Variants in NELL1 observed in about 807,000 individuals in gnomAD.
The protein encoded by NELL1 is neural EGFL like 1.
Under a neutral mutation model 107.4 loss-of-function variants are expected in NELL1, and 76 were observed. That is an observed-to-expected ratio of 0.71 (90% CI 0.59 to 0.86). NELL1 has a LOEUF of 0.86. Among genes scored for constraint, NELL1 ranks in the 40% least tolerant of loss-of-function variants. The pLI is 0.00. For missense variants in NELL1, 1,024 were observed against 1,005.5 expected, an observed-to-expected ratio of 1.02 and a Z score of -0.25; for synonymous variants, 353 against 341.2, an observed-to-expected ratio of 1.03 and a Z score of -0.38.
chr11:20,974,226 C>T (rs1851558782), intron 12 of NELL1, among the ~76,000 whole-genome samples: 1 of 152,106 alleles, frequency 6.6e-6, no homozygotes, highest in African/African-American at 2.4e-5. Flanking sequence ...GTGGGACACT[C>T]CGAGGTGTTT....
rs902837344 is a variant in NELL1 at position 21,196,475 on chromosome 11, A to G, written c.1427-32857A>G. Among the ~76,000 whole-genome samples, 42 of 152,160 alleles carry G rather than the reference A, an allele frequency of 2.8e-4. 1 individual carries two copies. The highest frequency in any genetic ancestry group is 1.8e-3 in the Admixed American group (28 of 15,270). ...TTTGTCTTGGCATTCCTCTGGCTAG[A>G]ATGCTAGAGGGTTGCTAGAATTATC... On this transcript the variant is annotated intron_variant, in intron 13 of 19. Coordinates refer to ENST00000357134, the MANE Select transcript of NELL1 (RefSeq NM_006157.5).
At chr11:21,108,544 C>T (rs1260160299) in intron 12 of NELL1, among the ~76,000 whole-genome samples, 1 of 151,932 alleles carries the variant, frequency 6.6e-6, no homozygotes, top group Non-Finnish European at 1.5e-5. Context: ...AATTTAAGCC[C>T]CATTATACTC....
intron 15 of NELL1, among the ~76,000 whole-genome samples, chr11:21,421,634 A>T (rs1852673162): frequency 7.2e-6 from 1 of 139,660 alleles, no homozygotes. Context: ...TCCTTCTCCC[A>T]CTAAAACAAC....
At chr11:20,824,615 C>T (rs2403635) in intron 3 of NELL1, among the ~76,000 whole-genome samples, 84,194 of 150,880 alleles carry the variant, frequency 0.56, 26,113 homozygotes, top group Non-Finnish European at 0.67. Context: ...ACAATGAAGT[C>T]GAGGCTGGGA....
In NELL1 at chr11:21,570,906, A is replaced by G. The variant is rs1857086926; in HGVS notation, c.2123A>G (p.Asn708Ser). Residue 708 changes from asparagine to serine, a missense_variant, in exon 18 of 20, where the codon AAT becomes AGT. Asn to Ser is a conservative substitution (Grantham distance 46). Transcript: ENST00000357134. ...CACAAGCTGTATCGAAGTGGAGACAATTGGACCCATAGCTGTCAGCAGTGT... is the reference window on the plus strand; with the variant it reads ...CACAAGCTGTATCGAAGTGGAGACAGTTGGACCCATAGCTGTCAGCAGTGT... Reference protein sequence around the residue: ...NGHKLYRSGDNWTHSCQQCRC... With the variant: ...NGHKLYRSGDSWTHSCQQCRC... 2 of 1,611,610 alleles carry G rather than the reference A, an allele frequency of 1.2e-6. No homozygotes were observed. Among genetic ancestry groups the G allele is most frequent in the African/African-American group, 2.7e-5 (2 of 74,700 alleles).
intron 3 of NELL1, among the ~76,000 whole-genome samples, chr11:20,823,738 A>T (rs1460717067): frequency 1.3e-5 from 2 of 151,088 alleles, no homozygotes; most frequent in African/African-American, 4.8e-5. Flanking sequence ...GGGTAGCTAT[A>T]CTGTATGCCC....
chr11:21,214,510 A>T (rs1454694353), intron 13 of NELL1, among the ~76,000 whole-genome samples: 1 of 152,176 alleles, frequency 6.6e-6, no homozygotes, highest in Non-Finnish European at 1.5e-5. Context: ...TACACCCATC[A>T]GAATAGCTAA....
intron 15 of NELL1, among the ~76,000 whole-genome samples, chr11:21,487,175 C>T (rs1196738308): frequency 6.6e-6 from 1 of 152,136 alleles, no homozygotes; most frequent in Non-Finnish European, 1.5e-5. Flanking sequence ...TATAGTCAAA[C>T]TGTCTAAAGC....
chr11:20,778,916 A>G (rs1856802779), intron 2 of NELL1, among the ~76,000 whole-genome samples: 2 of 152,066 alleles, frequency 1.3e-5, no homozygotes, highest in South Asian at 2.1e-4. Flanking sequence ...GCACCAGCCC[A>G]CCCAGTTCCT....
intron 13 of NELL1, among the ~76,000 whole-genome samples, chr11:21,199,845 G>A (rs1857229632): frequency 6.9e-6 from 1 of 144,774 alleles, no homozygotes; most frequent in Non-Finnish European, 1.5e-5. Flanking sequence ...CCTTCCCCGT[G>A]TCCATGTGTT....
intron 14 of NELL1, among the ~76,000 whole-genome samples, chr11:21,307,854 A>G (rs1849641140): frequency 6.6e-6 from 1 of 151,876 alleles, no homozygotes; most frequent in Admixed American, 6.6e-5. Flanking sequence ...TTAATTAGCA[A>G]GTAAAAAAAC....
At chr11:21,194,616 A>G (rs1400422457) in intron 13 of NELL1, among the ~76,000 whole-genome samples, 1 of 152,128 alleles carries the variant, frequency 6.6e-6, no homozygotes, top group African/African-American at 2.4e-5. Context: ...TATCAGCATC[A>G]CTTGGGAACT....
intron 5 of NELL1, among the ~76,000 whole-genome samples, chr11:20,897,400 A>T (rs1397341369): frequency 6.6e-6 from 1 of 152,228 alleles, no homozygotes; most frequent in Non-Finnish European, 1.5e-5. Context: ...TACACCTTAT[A>T]CAAAAATTAA....
Position 21,196,435 on chromosome 11 carries a change from T to C in NELL1, c.1427-32897T>C, listed in dbSNP as rs75286589. ...TTCCCAGGCCTTCTTGCTCTTCTTT[T>C]TCCCACCTTAAGCCTTTGTCTTGGC... On this transcript the variant is annotated intron_variant, in intron 13 of 19. Coordinates refer to ENST00000357134, the MANE Select transcript of NELL1 (RefSeq NM_006157.5). Among the ~76,000 whole-genome samples the C allele has an allele frequency of 9.5e-3, 1,441 of 152,258 alleles. 20 individuals are homozygous for C. The highest frequency in any genetic ancestry group is 0.033 in the African/African-American group (1,372 of 41,572).
chr11:21,167,593 A>G (rs1253664128), intron 13 of NELL1, among the ~76,000 whole-genome samples: 1 of 151,876 alleles, frequency 6.6e-6, no homozygotes, highest in Non-Finnish European at 1.5e-5. Flanking sequence ...GAGGTTGGCA[A>G]TTGACGAATA....
At chr11:20,806,372 G>A (rs1590312355) in intron 3 of NELL1, among the ~76,000 whole-genome samples, 1 of 151,908 alleles carries the variant, frequency 6.6e-6, no homozygotes, top group African/African-American at 2.4e-5. Flanking sequence ...CTGTCTCGTG[G>A]CCAGTAAGGT....
At chr11:20,976,487 T>C (rs1356047222) in intron 12 of NELL1, among the ~76,000 whole-genome samples, 1 of 152,172 alleles carries the variant, frequency 6.6e-6, no homozygotes, top group East Asian at 1.9e-4. Flanking sequence ...ATGTTTCAGC[T>C]GTGTTTACTT....
chr11:20,837,034 T>C (rs1848545029), intron 3 of NELL1, among the ~76,000 whole-genome samples: 1 of 152,114 alleles, frequency 6.6e-6, no homozygotes, highest in African/African-American at 2.4e-5. Flanking sequence ...ATTATAAATG[T>C]GTGAAATAAC....
At chr11:20,890,346 C>T (rs1174999647) in intron 5 of NELL1, among the ~76,000 whole-genome samples, 1 of 152,118 alleles carries the variant, frequency 6.6e-6, no homozygotes, top group Non-Finnish European at 1.5e-5. Context: ...CCCACAAAAA[C>T]CCCATCCAAA....
Sources: gnomAD v4.1 joint callset for allele counts (sites outside exome capture counted in the v4.1 genomes callset) on GRCh38, gnomAD v4.1.1 for gene constraint, MANE v1.5 for transcripts, NCBI Gene and HGNC (gene_info 2026-07-23, HGNC 2026-07-21) for gene names.